Variants in OPRM1 observed in about 807,000 individuals in gnomAD.
The protein encoded by OPRM1 is opioid receptor mu 1.
Under a neutral mutation model 31.8 loss-of-function variants are expected in OPRM1, and 27 were observed. The observed-to-expected ratio is 0.85, with a 90% CI of 0.63 to 1.17. The LOEUF is 1.17. OPRM1 is among the 50% of genes most tolerant of loss of function. The pLI, the probability that OPRM1 is intolerant of heterozygous loss-of-function variation, is 0.00. For missense variants in OPRM1, 536 were observed against 511.1 expected, an observed-to-expected ratio of 1.05 and a Z score of -0.47; for synonymous variants, 196 against 189.9, an observed-to-expected ratio of 1.03 and a Z score of -0.26.
At chr6:154,089,072 T>A (rs568763592) in intron 1 of OPRM1, among the ~76,000 whole-genome samples, 1 of 152,342 alleles carries the variant, frequency 6.6e-6, no homozygotes, top group African/African-American at 2.4e-5. Flanking sequence ...CTCATCTCTG[T>A]GCCCCATAAT....
chr6:154,074,040 AAG>A (rs2128457987), intron 1 of OPRM1: 1 of 152,338 alleles, frequency 6.6e-6, no homozygotes, highest in South Asian at 2.1e-4. Flanking sequence ...AGATAGATAA[AAG>A]AGAGAATTTT....
chr6:154,246,123 A>G (rs1326204685), intron 3 of OPRM1, among the ~76,000 whole-genome samples: 1 of 152,152 alleles, frequency 6.6e-6, no homozygotes, highest in African/African-American at 2.4e-5. Flanking sequence ...GGGGGAAAGA[A>G]GGGGAAGAAG....
chr6:154,094,103 G>T, intron 3 of OPRM1: 2 of 564,798 alleles, frequency 3.5e-6, no homozygotes, highest in Non-Finnish European at 3.0e-6. Context: ...GTTTATATTG[G>T]TTGTGGATGT....
rs1359093617 is a variant in OPRM1, at chr6:154,217,434, A to G, written c.1165-29259A>G. On this transcript the variant is annotated intron_variant, in intron 3 of 3. Transcript: ENST00000337049. ...AACCACAAGAGGTGGCTGCATGGAGAAAAAAAAAAAAAAGTGTCCCATAAG... is the reference window on the plus strand; with the variant it reads ...AACCACAAGAGGTGGCTGCATGGAGGAAAAAAAAAAAAAGTGTCCCATAAG... 3.1e-5 allele frequency: 4 copies of G among 128,602 alleles called. No homozygotes were observed. The South Asian group carries it at 6.8e-4, about 22-fold the overall frequency. The allele number at this position is 128,602 out of a possible 1,614,324, so 8.0% of individuals were successfully genotyped here.
At chr6:154,213,665 T>A (rs1778146656) in intron 3 of OPRM1, among the ~76,000 whole-genome samples, 1 of 152,156 alleles carries the variant, frequency 6.6e-6, no homozygotes, top group Admixed American at 6.5e-5. Flanking sequence ...GGCAGCTAAA[T>A]CCTCCCTCTT....
intron 3 of OPRM1, among the ~76,000 whole-genome samples, chr6:154,095,198 G>T (rs906428680): frequency 2.0e-5 from 3 of 152,264 alleles, no homozygotes; most frequent in Non-Finnish European, 4.4e-5. Flanking sequence ...GGCTGAGACA[G>T]GAGAATCGCT....
At chr6:154,212,033 C>T (rs1211995299) in intron 3 of OPRM1, among the ~76,000 whole-genome samples, 2 of 152,148 alleles carry the variant, frequency 1.3e-5, no homozygotes, top group South Asian at 2.1e-4. Flanking sequence ...ATACTACTTC[C>T]AGGGTTGCCT....
intron 3 of OPRM1, among the ~76,000 whole-genome samples, chr6:154,163,863 A>G (rs1283551230): frequency 6.6e-6 from 1 of 152,192 alleles, no homozygotes; most frequent in African/African-American, 2.4e-5. Flanking sequence ...TAGATAGAAG[A>G]TAGACATATA....
intron 3 of OPRM1, among the ~76,000 whole-genome samples, chr6:154,146,469 G>A (rs1162973797): frequency 2.6e-5 from 4 of 152,208 alleles, no homozygotes; most frequent in Non-Finnish European, 5.9e-5. Flanking sequence ...TCTATTGGTG[G>A]ATAAGGGTAA....
intron 3 of OPRM1, among the ~76,000 whole-genome samples, chr6:154,230,098 T>C (rs973379985): frequency 1.3e-5 from 2 of 152,198 alleles, no homozygotes; most frequent in Non-Finnish European, 1.5e-5. Context: ...GGGGATCTTA[T>C]TGGTACAATA....
chr6:154,140,148 G>A (rs1798159356), intron 3 of OPRM1, among the ~76,000 whole-genome samples: 1 of 152,078 alleles, frequency 6.6e-6, no homozygotes, highest in African/African-American at 2.4e-5. Context: ...ATGGGAGTCA[G>A]GCAAACAGAC....
intron 3 of OPRM1, among the ~76,000 whole-genome samples, chr6:154,142,473 CTG>C (rs904654752): frequency 6.6e-6 from 1 of 152,086 alleles, no homozygotes; most frequent in Non-Finnish European, 1.5e-5. Context: ...AGTAAACACA[CTG>C]TGTACTCTTG....
At chr6:154,143,598 T>C (rs1798277426) in intron 3 of OPRM1, among the ~76,000 whole-genome samples, 2 of 152,188 alleles carry the variant, frequency 1.3e-5, no homozygotes, top group Admixed American at 6.5e-5. Flanking sequence ...TGAATGTTTG[T>C]CCCCTCCAAA....
Position 154,205,250 on chromosome 6 carries a change from C to A in OPRM1, c.1165-41443C>A, listed in dbSNP as rs1446773103. On this transcript the variant is annotated intron_variant, in intron 3 of 3. Coordinates refer to the OPRM1 transcript ENST00000337049. ...CTCAAGATGCTCAAGGGAGAAGACACCATCTAGTTCCATTCAGCATCCCTG... is the reference window on the plus strand; with the variant it reads ...CTCAAGATGCTCAAGGGAGAAGACAACATCTAGTTCCATTCAGCATCCCTG... Among the ~76,000 whole-genome samples, 7 of 152,148 alleles carry A rather than the reference C, an allele frequency of 4.6e-5. No individual in the cohort carries two copies. The East Asian group carries it at 5.8e-4, about 13-fold the overall frequency.
chr6:154,168,103 T>C lies in OPRM1; in HGVS notation c.1164+76631T>C, dbSNP rs1583689432. On this transcript the variant is annotated intron_variant, in intron 3 of 3. Coordinates refer to the OPRM1 transcript ENST00000337049. This position sits in a 1 kb window ranked among gnomAD's most constrained non-coding sequence, Gnocchi z 4.1. ...TCTCCATTTCATCATCTTCAGACAC[T>C]TTTGTCTCTTCTATTTGAAAAAAAA... 6.5e-7 allele frequency: 1 copy of C among 1,541,694 alleles called. No homozygotes were observed. The highest frequency in any genetic ancestry group is 2.3e-5 in the East Asian group (1 of 43,868).
intron 3 of OPRM1, among the ~76,000 whole-genome samples, chr6:154,184,403 A>G (rs1411689763): frequency 1.3e-5 from 2 of 152,126 alleles, no homozygotes; most frequent in Non-Finnish European, 2.9e-5. Context: ...TATCAAAAAT[A>G]ACAAGGTAGA....
intron 3 of OPRM1, among the ~76,000 whole-genome samples, chr6:154,141,544 T>G (rs772704195): frequency 6.6e-6 from 1 of 152,220 alleles, no homozygotes; most frequent in East Asian, 1.9e-4. Context: ...GATGTGCAGC[T>G]GTGACACAGC....
intron 1 of OPRM1, among the ~76,000 whole-genome samples, chr6:154,016,750 A>G (rs1778025047): frequency 6.6e-6 from 1 of 152,214 alleles, no homozygotes; most frequent in South Asian, 2.1e-4. Flanking sequence ...CACAACAGCT[A>G]TGTTGGCATG....
At chr6:154,184,617 A>G (rs1801177694) in intron 3 of OPRM1, among the ~76,000 whole-genome samples, 1 of 152,188 alleles carries the variant, frequency 6.6e-6, no homozygotes. Flanking sequence ...AAGATCCAGA[A>G]CACAAAAATT....
Sources: gnomAD v4.1 joint callset for allele counts (sites outside exome capture counted in the v4.1 genomes callset) on GRCh38, gnomAD v4.1.1 for gene constraint, Gnocchi (gnomAD v3.1) non-coding constraint, MANE v1.5 for transcripts, NCBI Gene and HGNC (gene_info 2026-07-23, HGNC 2026-07-21) for gene names.